CBX5: variants seen among roughly 807,000 people sequenced by gnomAD.
CBX5 encodes chromobox protein homolog 5.
A neutral mutation model predicts 20.7 loss-of-function variants in CBX5; 7 were observed. The ratio of observed to expected loss-of-function variants is 0.34; its 90% CI spans 0.19 to 0.63. The LOEUF is 0.63. CBX5 is among the 30% of genes least tolerant of loss of function. The pLI is 0.75. For missense variants in CBX5, 110 were observed against 224.1 expected (o/e 0.49, Z 3.25); for synonymous variants, 78 against 77.0 (o/e 1.01, Z -0.07).
chr12:54,235,607 C>T lies in CBX5; in HGVS notation c.*6148G>A, dbSNP rs1361423460. 2 of 151,658 alleles carry T rather than the reference C, an allele frequency of 1.3e-5. No individual in the cohort carries two copies. The highest frequency in any genetic ancestry group is 1.3e-4 in the Admixed American group (2 of 15,224). The allele number at this position is 151,658 out of a possible 1,614,324, so 9.4% of individuals were successfully genotyped here. A position where few individuals can be genotyped will look rare whatever the true frequency, so the allele number is the denominator to read the frequency against. On this transcript the variant is annotated 3_prime_UTR_variant, in exon 5 of 5. Coordinates refer to ENST00000209875, the MANE Select transcript of CBX5 (RefSeq NM_012117.3). ...CCAGCCTGGGAGACAGAGCAAGACT[C>T]CGTCTCAAAAAAAAAGAAATCACCC...
At chr12:54,266,598 C>T (rs1943959033) in intron 1 of CBX5, among the ~76,000 whole-genome samples, 1 of 152,012 alleles carries the variant, frequency 6.6e-6, no homozygotes, top group South Asian at 2.1e-4. Context: ...TTCTAAATGA[C>T]GATAAAGGCT....
chr12:54,264,679 C>T (rs976306070), intron 1 of CBX5, among the ~76,000 whole-genome samples: 2 of 152,020 alleles, frequency 1.3e-5, no homozygotes, highest in South Asian at 2.1e-4. Flanking sequence ...CCCATCTCTA[C>T]TAAAAATACA....
rs1468974179 is a variant in CBX5, at chr12:54,236,559, C to T, written c.*5196G>A. The stretch of plus-strand genomic sequence containing the variant: ...AGCATGAAACTGCAATACACTGGCT[C>T]CAGACCTTTCCTCTCTGCCTTGCCA... On this transcript the variant is annotated 3_prime_UTR_variant, in exon 5 of 5. Coordinates refer to ENST00000209875, the MANE Select transcript of CBX5 (RefSeq NM_012117.3). 6.6e-6 allele frequency: 1 copy of T among 152,178 alleles called. No homozygotes were observed. Among genetic ancestry groups the T allele is most frequent in the Non-Finnish European group, 1.5e-5 (1 of 68,028 alleles). 9.4% of individuals were successfully genotyped at this position (152,178 alleles called of 1,614,324 possible).
At chr12:54,264,168 T>A (rs1304408556) in intron 1 of CBX5, among the ~76,000 whole-genome samples, 1 of 152,216 alleles carries the variant, frequency 6.6e-6, no homozygotes, top group Admixed American at 6.5e-5. Context: ...TCCAGTCATT[T>A]CTTTTTTGAG....
At chr12:54,263,762 C>CAAAAAAAAAAAAA (rs66591051) in intron 1 of CBX5, among the ~76,000 whole-genome samples, 10 of 37,734 alleles carry the variant, frequency 2.7e-4, no homozygotes, top group South Asian at 9.0e-4. Context: ...GACTCTATCT[C>CAAAAAAAAAAAAA]AAAAAAAAAA....
At position 54,231,843 on chromosome 12, in the gene CBX5, TG is replaced by T. The variant is rs888983165; in HGVS notation, c.*9911del. Reference sequence around the variant, plus strand: ...ATAATTCCAATGTAGCTTTTGGGGGTGGGGGGTGGAAATAAGGTGGTCACAT... The same window carrying T: ...ATAATTCCAATGTAGCTTTTGGGGGTGGGGGTGGAAATAAGGTGGTCACAT... On this transcript the variant is annotated 3_prime_UTR_variant, in exon 5 of 5. Coordinates refer to ENST00000209875, the MANE Select transcript of CBX5 (RefSeq NM_012117.3). 2.0e-5 allele frequency: 3 copies of T among 150,622 alleles called. No homozygotes were observed. The highest frequency in any genetic ancestry group is 6.7e-5 in the Admixed American group (1 of 15,034). The allele number at this position is 150,622 out of a possible 1,614,324, so 9.3% of individuals were successfully genotyped here.
intron 1 of CBX5, among the ~76,000 whole-genome samples, chr12:54,263,759 T>C (rs1479929981): frequency 2.4e-5 from 2 of 82,748 alleles, no homozygotes; most frequent in Non-Finnish European, 4.3e-5. Context: ...TAAGACTCTA[T>C]CTCAAAAAAA....
At chr12:54,250,358 C>T (rs936560017) in intron 3 of CBX5, among the ~76,000 whole-genome samples, 5 of 152,182 alleles carry the variant, frequency 3.3e-5, no homozygotes, top group South Asian at 2.1e-4. Flanking sequence ...TGCAGTAAGC[C>T]GAGATCACGC....
chr12:54,269,832 G>C (rs1365935355), intron 1 of CBX5, among the ~76,000 whole-genome samples: 1 of 152,070 alleles, frequency 6.6e-6, no homozygotes, highest in South Asian at 2.1e-4. Flanking sequence ...TTGAACTCTT[G>C]GCCTCCCAAA....
At chr12:54,261,243 G>C (rs1353014442) in intron 1 of CBX5, among the ~76,000 whole-genome samples, 1 of 150,348 alleles carries the variant, frequency 6.7e-6, no homozygotes, top group Non-Finnish European at 1.5e-5. Context: ...TGACTATTAC[G>C]ACTGTCAAAC....
intron 1 of CBX5, among the ~76,000 whole-genome samples, chr12:54,266,786 AT>A (rs1052601887): frequency 5.9e-5 from 9 of 151,918 alleles, no homozygotes; most frequent in South Asian, 4.2e-4. Context: ...TTTATATTGG[AT>A]TTTTTTTCAC....
chr12:54,247,543 A>C (rs1024521563), intron 3 of CBX5, among the ~76,000 whole-genome samples: 11 of 152,192 alleles, frequency 7.2e-5, no homozygotes, highest in Non-Finnish European at 1.6e-4. Context: ...AAGAGAGAGA[A>C]AAAATTTGAT....
At chr12:54,245,303 A>C (rs1943722976) in intron 4 of CBX5, among the ~76,000 whole-genome samples, 2 of 151,812 alleles carry the variant, frequency 1.3e-5, no homozygotes, top group Non-Finnish European at 2.9e-5. Flanking sequence ...GAGCCACTGC[A>C]TCCGACCTTT....
rs1298015432 is a variant in CBX5, at chr12:54,241,181, G to A, written c.*574C>T. ...GGATGAGTGAGGATGAACAACAGAGGGTGGCCCAGAAGACCACACCAGAAA... is the reference window on the plus strand; with the variant it reads ...GGATGAGTGAGGATGAACAACAGAGAGTGGCCCAGAAGACCACACCAGAAA... On this transcript the variant is annotated 3_prime_UTR_variant, in exon 5 of 5. Coordinates refer to ENST00000209875, the MANE Select transcript of CBX5 (RefSeq NM_012117.3). 1.3e-5 allele frequency: 2 copies of A among 152,138 alleles called. No individual in the cohort carries two copies. Among genetic ancestry groups the A allele is most frequent in the African/African-American group, 2.4e-5 (1 of 41,394 alleles). The allele number at this position is 152,138 out of a possible 1,614,324, so 9.4% of individuals were successfully genotyped here.
intron 3 of CBX5, 111 bp downstream of exon 3, chr12:54,251,930 C>T (rs1212955451): frequency 2.0e-5 from 18 of 906,072 alleles, no homozygotes; most frequent in Non-Finnish European, 2.4e-5. Context: ...AACAATTTAC[C>T]TTATAGGTCC....
intron 2 of CBX5, chr12:54,255,818 T>G (rs927282035): frequency 2.6e-5 from 4 of 152,472 alleles, no homozygotes; most frequent in Non-Finnish European, 2.9e-5. Flanking sequence ...ATCGGTTTAG[T>G]GCACTACAGC....
chr12:54,270,328 TGCAGTG>T (rs1192747219), intron 1 of CBX5, among the ~76,000 whole-genome samples: 1 of 152,184 alleles, frequency 6.6e-6, no homozygotes, highest in African/African-American at 2.4e-5. Context: ...CAGGCTCAAG[TGCAGTG>T]GCAGGATCAT....
intron 3 of CBX5, among the ~76,000 whole-genome samples, chr12:54,248,531 T>C (rs1943760779): frequency 6.6e-6 from 1 of 152,134 alleles, no homozygotes; most frequent in Non-Finnish European, 1.5e-5. Context: ...ATTCCACGCG[T>C]GGATCAATGA....
intron 1 of CBX5, among the ~76,000 whole-genome samples, chr12:54,263,626 A>C (rs1469153163): frequency 6.6e-6 from 1 of 151,534 alleles, no homozygotes; most frequent in East Asian, 2.0e-4. Context: ...CGGGAGGCTG[A>C]GGCAGTTACG....
Sources: allele counts gnomAD v4.1 joint callset (sites outside exome capture counted in the v4.1 genomes callset), GRCh38; gene constraint gnomAD v4.1.1; transcripts MANE v1.5; gene names NCBI Gene and HGNC (gene_info 2026-07-23, HGNC 2026-07-21).